FLRT2: variants seen among roughly 807,000 people sequenced by gnomAD.
The protein encoded by FLRT2 is fibronectin leucine rich transmembrane protein 2, also known as leucine-rich repeat transmembrane protein FLRT2.
Under a neutral mutation model 40.0 loss-of-function variants are expected in FLRT2, and 15 were observed. The ratio of observed to expected loss-of-function variants is 0.38; its 90% CI spans 0.25 to 0.58. The LOEUF (loss-of-function observed/expected upper bound fraction) is 0.58. Among genes scored for constraint, FLRT2 ranks in the 20% least tolerant of loss-of-function variants. FLRT2 has a pLI of 0.71. For missense variants in FLRT2, 726 were observed against 840.0 expected, an observed-to-expected ratio of 0.86 and a Z score of 1.68; for synonymous variants, 380 against 336.8, an observed-to-expected ratio of 1.13 and a Z score of -1.41.
rs1427981431 is a variant in FLRT2, at chr14:85,649,955, C to T, written c.*26458C>T. On this transcript the variant is annotated 3_prime_UTR_variant, in exon 2 of 2. Coordinates refer to ENST00000330753, the MANE Select transcript of FLRT2 (RefSeq NM_013231.6). Reference sequence around the variant, plus strand: ...TTTATTAGAAAATATTTTAATAACACAAGAAAGTAAAGAAAGTAATACAAG... The same window carrying T: ...TTTATTAGAAAATATTTTAATAACATAAGAAAGTAAAGAAAGTAATACAAG... 1 of 151,778 alleles carries T rather than the reference C, an allele frequency of 6.6e-6. No individual in the cohort carries two copies. Among genetic ancestry groups the T allele is most frequent in the Non-Finnish European group, 1.5e-5 (1 of 67,918 alleles). 9.4% of individuals were successfully genotyped at this position (151,778 alleles called of 1,614,324 possible).
chr14:85,596,487 A>G (rs1051177185), intron 1 of FLRT2, among the ~76,000 whole-genome samples: 1 of 151,846 alleles, frequency 6.6e-6, no homozygotes, highest in Non-Finnish European at 1.5e-5. Context: ...CTAATGTAAG[A>G]CAGTCTTTGT....
intron 1 of FLRT2, among the ~76,000 whole-genome samples, chr14:85,586,121 TTATA>T (rs1891602962): frequency 6.7e-6 from 1 of 148,348 alleles, no homozygotes; most frequent in South Asian, 2.1e-4. Flanking sequence ...TAATCAGTGT[TTATA>T]TAATATATAT....
rs1894266330 is a variant in FLRT2 at position 85,645,218 on chromosome 14, ATGTG to A, written c.*21723_*21726del. ...TGTATACATATGTATATATGTACACATGTGTATATATGTATATACATATATGTAT... is the reference window on the plus strand; with the variant it reads ...TGTATACATATGTATATATGTACACATATATATGTATATACATATATGTAT... On this transcript the variant is annotated 3_prime_UTR_variant, in exon 2 of 2. Coordinates refer to ENST00000330753, the MANE Select transcript of FLRT2 (RefSeq NM_013231.6). The A allele has an allele frequency of 6.7e-6, 1 of 149,630 alleles. No homozygotes were observed. The highest frequency in any genetic ancestry group is 2.5e-5 in the African/African-American group (1 of 39,428). 9.3% of individuals were successfully genotyped at this position (149,630 alleles called of 1,614,324 possible). A position where few individuals can be genotyped will look rare whatever the true frequency, so the allele number is the denominator to read the frequency against.
At chr14:85,586,693 TACACAC>T (rs59496302) in intron 1 of FLRT2, among the ~76,000 whole-genome samples, 34,667 of 150,246 alleles carry the variant, frequency 0.23, 4,193 homozygotes, top group East Asian at 0.31. Context: ...AATATATATG[TACACAC>T]ACACACACAC....
At chr14:85,593,546 G>C (rs1452270441) in intron 1 of FLRT2, among the ~76,000 whole-genome samples, 1 of 152,104 alleles carries the variant, frequency 6.6e-6, no homozygotes, top group East Asian at 1.9e-4. Flanking sequence ...ACTTTCTGAG[G>C]ATAAGAACCA....
chr14:85,574,393 T>C (rs1891031503), intron 1 of FLRT2, among the ~76,000 whole-genome samples: 1 of 152,136 alleles, frequency 6.6e-6, no homozygotes, highest in Non-Finnish European at 1.5e-5. Flanking sequence ...TGTTTTATCT[T>C]GTTTGGCAAT....
intron 1 of FLRT2, among the ~76,000 whole-genome samples, chr14:85,587,608 A>C (rs1891681998): frequency 6.6e-6 from 1 of 151,714 alleles, no homozygotes; most frequent in African/African-American, 2.4e-5. Context: ...ACACTTTGCC[A>C]TTCCTCAAAC....
chr14:85,587,992 C>T (rs753573933), intron 1 of FLRT2, among the ~76,000 whole-genome samples: 2 of 151,636 alleles, frequency 1.3e-5, no homozygotes, highest in African/African-American at 2.4e-5. Flanking sequence ...AGTGCAGTGG[C>T]GCAATCTCAG....
intron 1 of FLRT2, among the ~76,000 whole-genome samples, chr14:85,618,548 T>C (rs1249185188): frequency 1.3e-5 from 2 of 152,200 alleles, no homozygotes; most frequent in African/African-American, 4.8e-5. Flanking sequence ...ATAAACATTT[T>C]CTGTTAAGGC....
Position 85,623,184 on chromosome 14 carries a change from T to TCACACACG in FLRT2, c.1671_1672insACACACGC (p.Leu558ThrfsTer48). 6.4e-7 allele frequency: 1 copy of TCACACACG among 1,557,254 alleles called. No individual in the cohort carries two copies. Among genetic ancestry groups the TCACACACG allele is most frequent in the Non-Finnish European group, 8.7e-7 (1 of 1,152,098 alleles). On this transcript the variant is annotated frameshift_variant, in exon 2 of 2. Coordinates refer to ENST00000330753, the MANE Select transcript of FLRT2 (RefSeq NM_013231.6). LOFTEE classifies it high-confidence loss of function. ...GGCGCGGTGATATTTGTGCTGGTGG[T>TCACACACG]CTTGCTCAGCGTCTTTTGCTGGCAT...
rs1484920020 is a variant in FLRT2 at position 85,649,982 on chromosome 14, A to G, written c.*26485A>G. The G allele has an allele frequency of 6.6e-6, 1 of 152,042 alleles. No homozygotes were observed. The highest frequency in any genetic ancestry group is 1.5e-5 in the Non-Finnish European group (1 of 67,946). The allele number at this position is 152,042 out of a possible 1,614,324, so 9.4% of individuals were successfully genotyped here. A position where few individuals can be genotyped will look rare whatever the true frequency, so the allele number is the denominator to read the frequency against. On this transcript the variant is annotated 3_prime_UTR_variant, in exon 2 of 2. Transcript: ENST00000330753. ...AGAAAGTAAAGAAAGTAATACAAGGAACACTCATGTACACATCAACCAGCT... is the reference window on the plus strand; with the variant it reads ...AGAAAGTAAAGAAAGTAATACAAGGGACACTCATGTACACATCAACCAGCT...
At position 85,624,878 on chromosome 14, in the gene FLRT2, G is replaced by T. The variant is rs45549637; in HGVS notation, c.*1381G>T. Reference sequence around the variant, plus strand: ...AAAGCAATACCTGGTTTCCACCTTGGACTGACTTTGATCCTGTTCCACTTT... The same window carrying T: ...AAAGCAATACCTGGTTTCCACCTTGTACTGACTTTGATCCTGTTCCACTTT... On this transcript the variant is annotated 3_prime_UTR_variant, in exon 2 of 2. Coordinates refer to ENST00000330753, the MANE Select transcript of FLRT2 (RefSeq NM_013231.6). 1,397 of 167,120 alleles carry T rather than the reference G, an allele frequency of 8.4e-3. 9 individuals are homozygous for T. Among genetic ancestry groups the T allele is most frequent in the Middle Eastern group, 0.017 (5 of 296 alleles). 10.4% of individuals were successfully genotyped at this position (167,120 alleles called of 1,614,324 possible). A position where few individuals can be genotyped will look rare whatever the true frequency, so the allele number is the denominator to read the frequency against.
chr14:85,584,587 A>T (rs1007851650), intron 1 of FLRT2, among the ~76,000 whole-genome samples: 5 of 152,180 alleles, frequency 3.3e-5, no homozygotes, highest in African/African-American at 1.2e-4. Context: ...GAGGACAGAC[A>T]TCCTTCTCTG....
chr14:85,643,335 C>CT lies in FLRT2; in HGVS notation c.*19841dup, dbSNP rs869139746. 1 of 114,208 alleles carries CT rather than the reference C, an allele frequency of 8.8e-6. No homozygotes were observed. Among genetic ancestry groups the CT allele is most frequent in the African/African-American group, 3.6e-5 (1 of 27,892 alleles). The allele number at this position is 114,208 out of a possible 1,614,324, so 7.1% of individuals were successfully genotyped here. ...TCTTTCTTTCTTTCTTTCTTTCTTT[C>CT]TTTCTTTCTTTCTTTCTTTCTTCCT... On this transcript the variant is annotated 3_prime_UTR_variant, in exon 2 of 2. Coordinates refer to ENST00000330753, the MANE Select transcript of FLRT2 (RefSeq NM_013231.6).
At chr14:85,548,057 T>G (rs1353309919) in intron 1 of FLRT2, among the ~76,000 whole-genome samples, 1 of 152,238 alleles carries the variant, frequency 6.6e-6, no homozygotes, top group Non-Finnish European at 1.5e-5. Flanking sequence ...AGCTGGACTT[T>G]TCCCTTTAGC....
chr14:85,611,906 G>A (rs1301264315), intron 1 of FLRT2, among the ~76,000 whole-genome samples: 3 of 145,166 alleles, frequency 2.1e-5, no homozygotes, highest in Admixed American at 7.1e-5. Flanking sequence ...GAGAGCGCGC[G>A]TGCGCGAAAG....
chr14:85,559,892 G>T (rs1890200285), intron 1 of FLRT2, among the ~76,000 whole-genome samples: 1 of 152,174 alleles, frequency 6.6e-6, no homozygotes, highest in Admixed American at 6.5e-5. Context: ...TCCTGGGCCT[G>T]CCTGGATCAC....
intron 1 of FLRT2, among the ~76,000 whole-genome samples, chr14:85,573,835 C>T (rs1022291260): frequency 2.6e-5 from 4 of 152,178 alleles, no homozygotes; most frequent in African/African-American, 9.7e-5. Context: ...CTCAAGTAAA[C>T]CCTGCTTTAA....
intron 1 of FLRT2, among the ~76,000 whole-genome samples, chr14:85,552,128 T>C (rs1369443802): frequency 6.6e-6 from 1 of 152,188 alleles, no homozygotes; most frequent in Non-Finnish European, 1.5e-5. Context: ...TTCTGTCAAT[T>C]TACTGAACCT....
Sources: gnomAD v4.1 joint callset for allele counts (sites outside exome capture counted in the v4.1 genomes callset) on GRCh38, gnomAD v4.1.1 for gene constraint, MANE v1.5 for transcripts, NCBI Gene and HGNC (gene_info 2026-07-23, HGNC 2026-07-21) for gene names.